FA2H: variants seen among roughly 807,000 people sequenced by gnomAD.
FA2H encodes the protein fatty acid alpha-hydroxylase.
Under a neutral mutation model 44.9 loss-of-function variants are expected in FA2H, and 22 were observed. That is an observed-to-expected ratio of 0.49 (90% confidence interval 0.35 to 0.70). FA2H has a LOEUF of 0.70. Ranked by LOEUF, FA2H falls within the 30% of genes least tolerant of loss-of-function variation. The probability of loss-of-function intolerance (pLI) is 0.01; values close to 1 mark genes in which losing one functional copy is unlikely to be tolerated. For missense variants in FA2H, 501 were observed against 504.9 expected (o/e 0.99, Z 0.07); for synonymous variants, 243 against 213.2 (o/e 1.14, Z -1.22).
chr16:74,761,382 G>C (rs1320780266), intron 1 of FA2H, among the ~76,000 whole-genome samples: 1 of 151,976 alleles, frequency 6.6e-6, no homozygotes, highest in African/African-American at 2.4e-5. Flanking sequence ...GGATCAGGGA[G>C]GCAGAGGTTG....
intron 4 of FA2H, among the ~76,000 whole-genome samples, chr16:74,721,732 C>G (rs529871328): frequency 8.3e-4 from 127 of 152,318 alleles, no homozygotes; most frequent in African/African-American, 2.9e-3. Flanking sequence ...TCCTTCCACC[C>G]AGCTTCCTAC....
rs143108609 is a variant in FA2H, at chr16:74,740,400, C to T, written c.271-285G>A. On this transcript the variant is annotated intron_variant, in intron 1 of 6. Transcript: ENST00000219368. Reference sequence around the variant, plus strand: ...GGGAGGTCAAGATGGGTGGATCGCCCGAGGTCAGGAGTTTGAGACCAGCCT... The same window carrying T: ...GGGAGGTCAAGATGGGTGGATCGCCTGAGGTCAGGAGTTTGAGACCAGCCT... Among the ~76,000 whole-genome samples the T allele has an allele frequency of 5.5e-3, 839 of 151,870 alleles. 6 individuals are homozygous for T. The highest frequency in any genetic ancestry group is 0.014 in the Middle Eastern group (4 of 294).
At chr16:74,765,593 G>T (rs535920206) in intron 1 of FA2H, among the ~76,000 whole-genome samples, 2 of 151,884 alleles carry the variant, frequency 1.3e-5, no homozygotes, top group African/African-American at 2.4e-5. Flanking sequence ...TTGAGACAGG[G>T]TCTCACTCTG....
chr16:74,772,012 G>A lies in FA2H; in HGVS notation c.270+2474C>T, dbSNP rs74970826. Among the ~76,000 whole-genome samples, 392 of 149,906 alleles carry A rather than the reference G, an allele frequency of 2.6e-3. 10 individuals are homozygous for A. In the East Asian group the frequency reaches 0.064, roughly 24 times the overall value. Reference sequence around the variant, plus strand: ...ATTGCCCAGGCTGAAGTGCAGTGGCGTGATCTTGGCTCACTGCAACCTCCA... The same window carrying A: ...ATTGCCCAGGCTGAAGTGCAGTGGCATGATCTTGGCTCACTGCAACCTCCA... On this transcript the variant is annotated intron_variant, in intron 1 of 6. Coordinates refer to ENST00000219368, the MANE Select transcript of FA2H (RefSeq NM_024306.5).
intron 1 of FA2H, among the ~76,000 whole-genome samples, chr16:74,769,022 G>A (rs573012955): frequency 1.1e-4 from 17 of 152,220 alleles, no homozygotes; most frequent in African/African-American, 3.9e-4. Flanking sequence ...GGGGGAGTAT[G>A]AGCCACCCTC....
At chr16:74,754,950 C>T (rs1318762658) in intron 1 of FA2H, among the ~76,000 whole-genome samples, 1 of 152,106 alleles carries the variant, frequency 6.6e-6, no homozygotes, top group African/African-American at 2.4e-5. Flanking sequence ...CATAGAGCCA[C>T]CCGTATGGGA....
rs372675054 is a variant in FA2H, at chr16:74,734,197, C to A, written c.363+5826G>T. On this transcript the variant is annotated intron_variant, in intron 2 of 6. Coordinates refer to ENST00000219368, the MANE Select transcript of FA2H (RefSeq NM_024306.5). ...GGGGAGAAGGGGAGATCAGGCCACA[C>A]TGATGATGCCTCCACTTCCCAGGCA... 3.3e-5 allele frequency among the ~76,000 whole-genome samples: 5 copies of A among 152,202 alleles called. No homozygotes were observed. In the South Asian group the frequency reaches 6.2e-4, roughly 19 times the overall value.
chr16:74,751,438 C>T (rs1441333110), intron 1 of FA2H, among the ~76,000 whole-genome samples: 2 of 152,038 alleles, frequency 1.3e-5, no homozygotes, highest in East Asian at 3.9e-4. Context: ...CGCAGTGAGT[C>T]CTAGAATTCA....
chr16:74,757,727 A>G (rs917645887), intron 1 of FA2H, among the ~76,000 whole-genome samples: 1 of 152,168 alleles, frequency 6.6e-6, no homozygotes, highest in Admixed American at 6.5e-5. Flanking sequence ...AGATAATACT[A>G]TATGTGTGGC....
At chr16:74,717,316 G>A (rs1961729365) in intron 5 of FA2H, among the ~76,000 whole-genome samples, 2 of 152,180 alleles carry the variant, frequency 1.3e-5, no homozygotes, top group Non-Finnish European at 1.5e-5. Context: ...GAAAGCAGGT[G>A]ACAGTGACAC....
At chr16:74,766,266 T>A (rs1011245972) in intron 1 of FA2H, among the ~76,000 whole-genome samples, 1 of 151,672 alleles carries the variant, frequency 6.6e-6, no homozygotes. Flanking sequence ...GCCACTGCAC[T>A]CTAGCCTGGG....
chr16:74,750,232 C>G (rs113880686), intron 1 of FA2H, among the ~76,000 whole-genome samples: 3 of 152,228 alleles, frequency 2.0e-5, no homozygotes, highest in African/African-American at 7.2e-5. Context: ...AATACACGTA[C>G]GACACCTAAA....
At chr16:74,742,088 T>C (rs978784741) in intron 1 of FA2H, among the ~76,000 whole-genome samples, 1 of 151,994 alleles carries the variant, frequency 6.6e-6, no homozygotes, top group Non-Finnish European at 1.5e-5. Flanking sequence ...GTTTCCTGTT[T>C]CCAGACCCAC....
intron 1 of FA2H, among the ~76,000 whole-genome samples, chr16:74,767,691 AAG>A (rs1483135986): frequency 6.6e-6 from 1 of 152,218 alleles, no homozygotes; most frequent in East Asian, 1.9e-4. Flanking sequence ...GGCAGGAAAA[AAG>A]AATCTCCCCT....
intron 2 of FA2H, among the ~76,000 whole-genome samples, chr16:74,729,630 T>C (rs1962035395): frequency 6.6e-6 from 1 of 152,134 alleles, no homozygotes; most frequent in African/African-American, 2.4e-5. Context: ...TAGAAGCCCT[T>C]GAGGATTTCT....
chr16:74,740,627 A>G (rs1220243440), intron 1 of FA2H, among the ~76,000 whole-genome samples: 1 of 44,442 alleles, frequency 2.3e-5, no homozygotes, highest in South Asian at 9.8e-4. Context: ...TCAAAATAAT[A>G]ATAATAATAA....
intron 2 of FA2H, among the ~76,000 whole-genome samples, chr16:74,734,088 C>T (rs1013744153): frequency 2.6e-5 from 4 of 152,334 alleles, no homozygotes; most frequent in South Asian, 2.1e-4. Flanking sequence ...GTTCCTGGTC[C>T]GGGCCCCATT....
At chr16:74,764,396 G>T (rs1962768176) in intron 1 of FA2H, among the ~76,000 whole-genome samples, 2 of 152,164 alleles carry the variant, frequency 1.3e-5, no homozygotes, top group African/African-American at 4.8e-5. Flanking sequence ...CCACAAAAAA[G>T]AACGAGATCA....
intron 1 of FA2H, among the ~76,000 whole-genome samples, chr16:74,760,991 C>CA (rs966634904): frequency 7.9e-5 from 12 of 152,198 alleles, no homozygotes; most frequent in African/African-American, 2.9e-4. Flanking sequence ...TCAGGAAAGA[C>CA]AGAGAATGGA....
Sources: gnomAD v4.1 joint callset for allele counts (sites outside exome capture counted in the v4.1 genomes callset) on GRCh38, gnomAD v4.1.1 for gene constraint, MANE v1.5 for transcripts, NCBI Gene and HGNC (gene_info 2026-07-23, HGNC 2026-07-21) for gene names.